Variants in DAB1 observed in about 807,000 individuals in gnomAD.
DAB1 encodes the protein DAB adaptor protein 1, also known as disabled homolog 1.
In DAB1, 15 loss-of-function variants were observed where a neutral mutation model predicts 64.6. The ratio of observed to expected loss-of-function variants is 0.23; its 90% CI spans 0.16 to 0.36. The LOEUF (loss-of-function observed/expected upper bound fraction) is 0.36. Among genes scored for constraint, DAB1 ranks in the 10% least tolerant of loss-of-function variants. The pLI, the probability that DAB1 is intolerant of heterozygous loss-of-function variation, is 1.00. For synonymous variants in DAB1, 235 were observed against 251.9 expected (o/e 0.93, Z 0.64); for missense variants, 596 against 706.7 (o/e 0.84, Z 1.78).
rs372654274 is a variant in DAB1 at position 57,367,308 on chromosome 1, C to T, written c.-137+56622G>A. 7.9e-5 allele frequency among the ~76,000 whole-genome samples: 12 copies of T among 151,940 alleles called. No individual in the cohort carries two copies. In the South Asian group the frequency reaches 1.7e-3, roughly 21 times the overall value. ...CAAAAAAAAGTCACACAAAATGGTA[C>T]TCTGAAAAAAGTAAGAGTTCGGAAG... On this transcript the variant is annotated intron_variant, in intron 1 of 14. Transcript: ENST00000371236.
intron 4 of DAB1, among the ~76,000 whole-genome samples, chr1:58,260,655 T>C (rs1201155101): frequency 1.3e-5 from 2 of 152,240 alleles, no homozygotes; most frequent in Non-Finnish European, 2.9e-5. Context: ...AAAGTGCTTT[T>C]TTAAAATTTT....
At chr1:57,443,145 T>G (rs1462795176) in intron 7 of DAB1, among the ~76,000 whole-genome samples, 1 of 152,238 alleles carries the variant, frequency 6.6e-6, no homozygotes, top group Non-Finnish European at 1.5e-5. Flanking sequence ...AAGAGGACAC[T>G]TAATCATTGG....
chr1:57,606,064 A>ATT, intron 7 of DAB1: 1 of 571,386 alleles, frequency 1.8e-6, no homozygotes, highest in Non-Finnish European at 3.3e-6. Context: ...TTTCCCTTTG[A>ATT]TATTCTTTTC....
intron 2 of DAB1, among the ~76,000 whole-genome samples, chr1:57,190,291 G>A (rs1178359932): frequency 1.3e-5 from 2 of 152,160 alleles, no homozygotes; most frequent in Non-Finnish European, 2.9e-5. Flanking sequence ...AGGCAAGTAG[G>A]GAAGAAGCCA....
chr1:57,834,916 A>G (rs970203354), intron 1 of DAB1, among the ~76,000 whole-genome samples: 1 of 151,982 alleles, frequency 6.6e-6, no homozygotes. Context: ...TCCCAAGTCT[A>G]TTTTCCCCAC....
intron 6 of DAB1, among the ~76,000 whole-genome samples, chr1:57,766,829 T>G (rs1206099961): frequency 6.6e-6 from 1 of 152,202 alleles, no homozygotes; most frequent in Non-Finnish European, 1.5e-5. Context: ...CTGTCTAACT[T>G]GGATACAAAT....
chr1:57,564,376 C>T (rs537857717), intron 7 of DAB1, among the ~76,000 whole-genome samples: 22 of 152,200 alleles, frequency 1.4e-4, no homozygotes, highest in Admixed American at 2.6e-4. Context: ...AAAATCAGAG[C>T]GCCTCTCCCC....
At chr1:58,147,527 A>T (rs1006954621) in intron 5 of DAB1, among the ~76,000 whole-genome samples, 12 of 151,126 alleles carry the variant, frequency 7.9e-5, no homozygotes, top group Non-Finnish European at 1.8e-4. Flanking sequence ...GAGGCAGGAG[A>T]ATGGCAAGAA....
chr1:58,533,985 G>A (rs370259084), intron 1 of DAB1: 7 of 871,376 alleles, frequency 8.0e-6, no homozygotes, highest in African/African-American at 1.6e-5. Flanking sequence ...GCTATTTCAT[G>A]GCCCAGAAGG....
intron 7 of DAB1, among the ~76,000 whole-genome samples, chr1:57,630,337 G>A (rs1447696442): frequency 2.0e-5 from 3 of 152,062 alleles, no homozygotes; most frequent in African/African-American, 7.2e-5. Flanking sequence ...TTTTAAGAAT[G>A]ATGAAAAAAG....
chr1:58,537,907 A>G (rs906407568), intron 1 of DAB1, among the ~76,000 whole-genome samples: 10 of 152,218 alleles, frequency 6.6e-5, no homozygotes, highest in Admixed American at 1.3e-4. Context: ...AGTTACAAAT[A>G]AATAATTTAA....
At chr1:58,146,426 T>C (rs1186089810) in intron 5 of DAB1, among the ~76,000 whole-genome samples, 1 of 152,240 alleles carries the variant, frequency 6.6e-6, no homozygotes, top group Admixed American at 6.5e-5. Context: ...TAACTAGTCC[T>C]CAAGCTGTAC....
intron 7 of DAB1, among the ~76,000 whole-genome samples, chr1:57,450,850 A>C (rs1686323353): frequency 6.6e-6 from 1 of 152,196 alleles, no homozygotes; most frequent in African/African-American, 2.4e-5. Flanking sequence ...CAAAAGAATT[A>C]TTGTGTCACA....
intron 2 of DAB1, among the ~76,000 whole-genome samples, chr1:57,278,122 G>C (rs1019007047): frequency 1.3e-5 from 2 of 152,204 alleles, no homozygotes; most frequent in Non-Finnish European, 2.9e-5. Flanking sequence ...GGTCTCTGCT[G>C]GGAAACAGCA....
intron 9 of DAB1, among the ~76,000 whole-genome samples, chr1:57,036,946 G>C (rs1647178341): frequency 6.6e-6 from 1 of 152,118 alleles, no homozygotes. Context: ...GTGGATAAGG[G>C]ACTTGGGATA....
intron 1 of DAB1, among the ~76,000 whole-genome samples, chr1:57,384,782 C>G (rs958808000): frequency 1.3e-5 from 2 of 152,040 alleles, no homozygotes; most frequent in Non-Finnish European, 2.9e-5. Flanking sequence ...TTCAATTTTG[C>G]ATGATGAAAA....
chr1:57,657,390 C>G (rs1646331594), intron 6 of DAB1, among the ~76,000 whole-genome samples: 1 of 152,186 alleles, frequency 6.6e-6, no homozygotes, highest in Admixed American at 6.5e-5. Flanking sequence ...CTAGGGGAAC[C>G]AATCACAGTA....
intron 2 of DAB1, among the ~76,000 whole-genome samples, chr1:57,244,849 A>T (rs1668744869): frequency 6.6e-6 from 1 of 152,248 alleles, no homozygotes; most frequent in Non-Finnish European, 1.5e-5. Flanking sequence ...GTAGTCAATA[A>T]ACTAACGTAG....
chr1:57,890,298 G>A (rs935666145), intron 5 of DAB1, among the ~76,000 whole-genome samples: 2 of 152,044 alleles, frequency 1.3e-5, no homozygotes, highest in East Asian at 1.9e-4. Context: ...AATCAGGAAC[G>A]TGCATGTGGA....
Sources: allele counts gnomAD v4.1 joint callset (sites outside exome capture counted in the v4.1 genomes callset), GRCh38; gene constraint gnomAD v4.1.1; transcripts MANE v1.5; gene names NCBI Gene and HGNC (gene_info 2026-07-23, HGNC 2026-07-21).